PRKG1: variants seen among roughly 807,000 people sequenced by gnomAD.
PRKG1 encodes the protein cGMP-dependent protein kinase 1.
Under a neutral mutation model 88.1 loss-of-function variants are expected in PRKG1, and 35 were observed. The observed-to-expected ratio is 0.40, with a 90% confidence interval of 0.30 to 0.53. PRKG1 has a LOEUF of 0.53. Ranked by LOEUF, PRKG1 falls within the 20% of genes least tolerant of loss-of-function variation. The pLI, the probability that PRKG1 is intolerant of heterozygous loss-of-function variation, is 0.59. For missense variants in PRKG1, 540 were observed against 839.8 expected (o/e 0.64, Z 4.41); for synonymous variants, 303 against 292.5 (o/e 1.04, Z -0.37).
chr10:52,037,864 A>G (rs1223022790), intron 5 of PRKG1, among the ~76,000 whole-genome samples: 7 of 151,496 alleles, frequency 4.6e-5, no homozygotes, highest in Admixed American at 4.6e-4. Context: ...GAAAAGGAAG[A>G]TTAGAAAGAC....
At chr10:52,051,831 T>C (rs1845994099) in intron 5 of PRKG1, among the ~76,000 whole-genome samples, 1 of 152,116 alleles carries the variant, frequency 6.6e-6, no homozygotes, top group Non-Finnish European at 1.5e-5. Context: ...TGAGCACACA[T>C]AGCTGTTTAC....
intron 3 of PRKG1, among the ~76,000 whole-genome samples, chr10:51,786,101 G>A (rs754745943): frequency 6.6e-6 from 1 of 152,142 alleles, no homozygotes; most frequent in Non-Finnish European, 1.5e-5. Context: ...AGAGTCAATT[G>A]TTAGAGATGT....
intron 9 of PRKG1, among the ~76,000 whole-genome samples, chr10:52,204,035 T>C (rs1383217959): frequency 6.6e-6 from 1 of 151,994 alleles, no homozygotes; most frequent in Non-Finnish European, 1.5e-5. Flanking sequence ...TTAATATTAA[T>C]ATGTGTGGAT....
At chr10:52,215,573 G>A (rs568477762) in intron 9 of PRKG1, among the ~76,000 whole-genome samples, 3 of 152,092 alleles carry the variant, frequency 2.0e-5, no homozygotes, top group East Asian at 3.9e-4. Flanking sequence ...TTTTCCCCAT[G>A]GGAAGATGTC....
At chr10:51,691,858 A>C (rs1469140473) in intron 3 of PRKG1, among the ~76,000 whole-genome samples, 1 of 152,158 alleles carries the variant, frequency 6.6e-6, no homozygotes, top group Non-Finnish European at 1.5e-5. Flanking sequence ...ACAGATCACC[A>C]ATTTGAGGTT....
intron 2 of PRKG1, among the ~76,000 whole-genome samples, chr10:51,441,463 A>G (rs954759273): frequency 2.6e-5 from 4 of 151,956 alleles, no homozygotes; most frequent in African/African-American, 7.2e-5. Flanking sequence ...CTCCCCTAGC[A>G]TCAAGTCCTG....
chr10:51,934,263 C>CG (rs996467160), intron 5 of PRKG1, among the ~76,000 whole-genome samples: 6 of 151,164 alleles, frequency 4.0e-5, no homozygotes, highest in Admixed American at 4.0e-4. Context: ...TACCCCCCCC[C>CG]CAACACCGCC....
In PRKG1 at chr10:51,344,484, G is replaced by A. The variant is rs147592686; in HGVS notation, c.479-123239G>A. Among the ~76,000 whole-genome samples the A allele has an allele frequency of 3.1e-3, 465 of 152,236 alleles. 3 individuals carry two copies. The highest frequency in any genetic ancestry group is 0.01 in the African/African-American group (434 of 41,536). Reference sequence around the variant, plus strand: ...TATCAGACACACTCAGGGCTTAAACGTTAGGATTGTACTCATATACAAGGT... The same window carrying A: ...TATCAGACACACTCAGGGCTTAAACATTAGGATTGTACTCATATACAAGGT... On this transcript the variant is annotated intron_variant, in intron 2 of 17. Coordinates refer to ENST00000373980, the MANE Select transcript of PRKG1 (RefSeq NM_006258.4).
chr10:51,387,117 G>A (rs1837271697), intron 2 of PRKG1, among the ~76,000 whole-genome samples: 1 of 151,860 alleles, frequency 6.6e-6, no homozygotes, highest in Non-Finnish European at 1.5e-5. Context: ...CTGAAGGTGA[G>A]AGCAGCCAAT....
chr10:51,970,663 A>G (rs778863585), intron 5 of PRKG1, among the ~76,000 whole-genome samples: 28 of 147,522 alleles, frequency 1.9e-4, no homozygotes, highest in Admixed American at 4.8e-4. Context: ...AGCTGACCAT[A>G]TTGTATACAT....
intron 3 of PRKG1, among the ~76,000 whole-genome samples, chr10:51,646,964 A>AT (rs1272687330): frequency 2.0e-5 from 3 of 151,994 alleles, no homozygotes; most frequent in Non-Finnish European, 4.4e-5. Context: ...TTCCCTTTTT[A>AT]CAGAAAGAAA....
At chr10:52,080,448 T>G (rs995910375) in intron 7 of PRKG1, among the ~76,000 whole-genome samples, 6 of 152,074 alleles carry the variant, frequency 3.9e-5, no homozygotes, top group African/African-American at 1.4e-4. Flanking sequence ...CATTTTTCAA[T>G]GCAAAAAAAA....
At chr10:51,545,159 A>C (rs1025825071) in intron 3 of PRKG1, among the ~76,000 whole-genome samples, 20 of 152,038 alleles carry the variant, frequency 1.3e-4, no homozygotes, top group Admixed American at 1.3e-3. Flanking sequence ...TGCATCATTC[A>C]AACCTAATAA....
intron 3 of PRKG1, among the ~76,000 whole-genome samples, chr10:51,794,649 T>C (rs1249197566): frequency 6.6e-6 from 1 of 152,116 alleles, no homozygotes; most frequent in African/African-American, 2.4e-5. Flanking sequence ...ACAAAAATGA[T>C]GACTATATGA....
intron 9 of PRKG1, among the ~76,000 whole-genome samples, chr10:52,194,314 AACCC>A (rs920643059): frequency 6.6e-6 from 1 of 152,132 alleles, no homozygotes; most frequent in African/African-American, 2.4e-5. Context: ...AATAAAAAAC[AACCC>A]TGTCAACTTA....
chr10:52,179,976 C>A (rs1288236940), intron 9 of PRKG1, among the ~76,000 whole-genome samples: 123 of 152,168 alleles, frequency 8.1e-4, no homozygotes, highest in Non-Finnish European at 1.0e-4. Context: ...CGTGAGCCAC[C>A]GTGCCCAGCC....
At chr10:51,260,161 C>T (rs1255950628) in intron 2 of PRKG1, among the ~76,000 whole-genome samples, 1 of 152,076 alleles carries the variant, frequency 6.6e-6, no homozygotes, top group East Asian at 1.9e-4. Flanking sequence ...CTCTTCACTC[C>T]ATTGGAAACA....
chr10:52,296,222 A>G lies in PRKG1; in HGVS notation c.*2322A>G, dbSNP rs550438448. On this transcript the variant is annotated 3_prime_UTR_variant, in exon 18 of 18. Coordinates refer to ENST00000373980, the MANE Select transcript of PRKG1 (RefSeq NM_006258.4). ...AATCCCCAAAGTCCCAGAGATTAGC[A>G]CTTGCTATGGATTTTGGAACTATGG... The G allele has an allele frequency of 1.8e-4, 27 of 152,172 alleles. No homozygotes were observed. The highest frequency in any genetic ancestry group is 6.5e-4 in the African/African-American group (27 of 41,572). 9.4% of individuals were successfully genotyped at this position (152,172 alleles called of 1,614,324 possible).
chr10:51,261,987 C>T (rs949864283), intron 2 of PRKG1, among the ~76,000 whole-genome samples: 1 of 149,614 alleles, frequency 6.7e-6, no homozygotes, highest in Non-Finnish European at 1.5e-5. Context: ...CCCGGGTTCA[C>T]GCCACTCTCC....
Sources: gnomAD v4.1 joint callset for allele counts (sites outside exome capture counted in the v4.1 genomes callset) on GRCh38, gnomAD v4.1.1 for gene constraint, MANE v1.5 for transcripts, NCBI Gene and HGNC (gene_info 2026-07-23, HGNC 2026-07-21) for gene names.